The following TMEM63A variants were observed in gnomAD, a reference collection of about 807,000 sequenced individuals.
TMEM63A encodes mechanosensitive cation channel TMEM63A.
TMEM63A carries 76 observed loss-of-function variants against 100.6 expected under a neutral mutation model. That is an observed-to-expected ratio of 0.76 (90% confidence interval 0.63 to 0.91). The LOEUF (loss-of-function observed/expected upper bound fraction) is 0.91, where lower values mean the gene tolerates loss of function less well. Ranked by LOEUF, TMEM63A falls within the 40% of genes least tolerant of loss-of-function variation. The pLI, the probability that TMEM63A is intolerant of heterozygous loss-of-function variation, is 0.00. For missense variants in TMEM63A, 876 were observed against 1,008.8 expected (o/e 0.87, Z 1.78); for synonymous variants, 401 against 401.1 (o/e 1.00, Z 0.00).
intron 17 of TMEM63A, 75 bp downstream of exon 17, chr1:225,856,577 T>G: frequency 3.3e-6 from 5 of 1,496,442 alleles, no homozygotes; most frequent in Non-Finnish European, 3.7e-6. Flanking sequence ...CCAAACCGTT[T>G]GCATTCTCCT....
chr1:225,845,111 C>T (rs773194228), downstream of TMEM63A: 9 of 1,609,578 alleles, frequency 5.6e-6, no homozygotes, highest in Admixed American at 3.3e-5. Flanking sequence ...CGCAGGGCCA[C>T]AGCCTCACCC....
At position 225,865,655 on chromosome 1, in the gene TMEM63A, ACT is replaced by A; in HGVS notation, c.746+240_746+241del. 1 of 519,566 alleles carries A rather than the reference ACT, an allele frequency of 1.9e-6. No homozygotes were observed. The highest frequency in any genetic ancestry group is 3.5e-6 in the Non-Finnish European group (1 of 284,816). 32.2% of individuals were successfully genotyped at this position (519,566 alleles called of 1,614,324 possible). The stretch of plus-strand genomic sequence containing the variant: ...CTACACCCTGGTCTGTGCTCTGGAC[ACT>A]GTGCACAGGCTGCTTGAAGAGGATA... On this transcript the variant is annotated intron_variant, in intron 10 of 24. Coordinates refer to ENST00000366835, the MANE Select transcript of TMEM63A (RefSeq NM_014698.3). This position sits in a 1 kb window ranked among gnomAD's most constrained non-coding sequence, Gnocchi z 4.6.
intron 22 of TMEM63A, 50 bp downstream of exon 22, chr1:225,848,847 C>A: frequency 1.4e-6 from 2 of 1,430,692 alleles, no homozygotes; most frequent in Non-Finnish European, 9.6e-7. Flanking sequence ...CCCGTCCCAC[C>A]ATCTGTTCCT....
chr1:225,876,656 G>T (rs201068124), intron 3 of TMEM63A, among the ~76,000 whole-genome samples: 5,654 of 44,612 alleles, frequency 0.13, 181 homozygotes, highest in East Asian at 0.25. Flanking sequence ...TTGTTTTTTT[G>T]GTTTTTTTTG....
downstream of TMEM63A, chr1:225,845,190 A>G: frequency 3.1e-6 from 5 of 1,613,878 alleles, no homozygotes; most frequent in Non-Finnish European, 4.2e-6. Flanking sequence ...TTCCCTTTTG[A>G]GCTATTGCAC....
Position 225,845,951 on chromosome 1 carries a change from C to T in TMEM63A, c.*988G>A, listed in dbSNP as rs905758680. 1 of 161,664 alleles carries T rather than the reference C, an allele frequency of 6.2e-6. No individual in the cohort carries two copies. Among genetic ancestry groups the T allele is most frequent in the Admixed American group, 5.8e-5 (1 of 17,268 alleles). The allele number at this position is 161,664 out of a possible 1,614,324, so 10.0% of individuals were successfully genotyped here. On this transcript the variant is annotated 3_prime_UTR_variant, in exon 25 of 25. Transcript: ENST00000366835. ...ACACCCCCATCCCGCCCCTACTGCA[C>T]AGGCTTGTGCCTTGGTGCCCCCTGG...
rs1174084026 is a variant in TMEM63A at position 225,862,865 on chromosome 1, GAGA to G, written c.747-17_747-15del. On this transcript the variant is annotated splice_polypyrimidine_tract_variant and intron_variant, in intron 10 of 24. Coordinates refer to ENST00000366835, the MANE Select transcript of TMEM63A (RefSeq NM_014698.3). The surrounding 1 kb of genome is among the most constrained non-coding windows in gnomAD (Gnocchi z 5.1). The stretch of plus-strand genomic sequence containing the variant: ...GGATACGCGTCCCTGTGGCCAGGGA[GAGA>G]AGGAGGCAAAAGACACCGTTGGAAA... 6.2e-6 allele frequency: 10 copies of G among 1,613,116 alleles called. No homozygotes were observed. Among genetic ancestry groups the G allele is most frequent in the South Asian group, 1.1e-5 (1 of 90,940 alleles).
intron 15 of TMEM63A, 113 bp downstream of exon 15, chr1:225,859,083 C>A: frequency 1.4e-6 from 2 of 1,432,544 alleles, no homozygotes; most frequent in South Asian, 1.3e-5. Flanking sequence ...GCAACATGAC[C>A]CACTGGTTTA....
At chr1:225,878,160 ATGGGTCCATCTGCTATACT>A (rs1321950451) in intron 2 of TMEM63A, among the ~76,000 whole-genome samples, 1 of 152,168 alleles carries the variant, frequency 6.6e-6, no homozygotes, top group African/African-American at 2.4e-5. Flanking sequence ...GACCTCAGAG[ATGGGTCCATCTGCTATACT>A]TGGAAACCAA....
chr1:225,840,740 C>G (rs1448677751), downstream of TMEM63A: 2 of 154,938 alleles, frequency 1.3e-5, no homozygotes, highest in Non-Finnish European at 2.9e-5. Flanking sequence ...AGATGGGACC[C>G]CTGTAGCATC....
Position 225,848,562 on chromosome 1 carries a change from T to C in TMEM63A, c.2188-8A>G. On this transcript the variant is annotated splice_polypyrimidine_tract_variant and splice_region_variant and intron_variant, in intron 22 of 24. Coordinates refer to ENST00000366835, the MANE Select transcript of TMEM63A (RefSeq NM_014698.3). ...ACTTGCAGGCTCTTCTGTCTGCAGA[T>C]AACAGCAAAAACTTGCGATGATAAA... The C allele has an allele frequency of 6.2e-7, 1 of 1,614,010 alleles. No individual in the cohort carries two copies. The highest frequency in any genetic ancestry group is 8.5e-7 in the Non-Finnish European group (1 of 1,180,022).
chr1:225,860,202 A>G (rs574491006), intron 14 of TMEM63A: 2 of 152,782 alleles, frequency 1.3e-5, no homozygotes, highest in African/African-American at 4.8e-5. Context: ...CTTCAAGCTC[A>G]TTCTGTGCAA....
chr1:225,853,263 G>A lies in TMEM63A; in HGVS notation c.1797+366C>T, dbSNP rs1576073675. On this transcript the variant is annotated intron_variant, in intron 19 of 24. Transcript: ENST00000366835. This position sits in a 1 kb window ranked among gnomAD's most constrained non-coding sequence, Gnocchi z 4.0. ...ACACCCTCCAGTTCAGGGAATCCTG[G>A]AATAAATGCCACAAGCCGAAAATGC... Among the ~76,000 whole-genome samples the A allele has an allele frequency of 6.6e-6, 1 of 152,312 alleles. No individual in the cohort carries two copies. Among genetic ancestry groups the A allele is most frequent in the East Asian group, 1.9e-4 (1 of 5,186 alleles).
At chr1:225,863,105 G>A (rs955866863) in intron 10 of TMEM63A, 12 of 489,934 alleles carry the variant, frequency 2.4e-5, no homozygotes, top group South Asian at 1.7e-4. Flanking sequence ...CCAGGCTGCT[G>A]TACAGTGGCA....
intron 3 of TMEM63A, among the ~76,000 whole-genome samples, chr1:225,875,883 G>A (rs1670773944): frequency 6.6e-6 from 1 of 151,728 alleles, no homozygotes; most frequent in Admixed American, 6.6e-5. Flanking sequence ...AGGCAACATG[G>A]TGTGAAATCC....
chr1:225,849,757 G>A (rs963447203), intron 21 of TMEM63A, among the ~76,000 whole-genome samples, 155 bp downstream of exon 21: 3 of 152,154 alleles, frequency 2.0e-5, no homozygotes, highest in East Asian at 3.9e-4. Flanking sequence ...TGGGTACCAC[G>A]TTCTGATGGG....
downstream of TMEM63A, among the ~76,000 whole-genome samples, chr1:225,841,685 T>G (rs1274831039): frequency 1.4e-5 from 2 of 141,298 alleles, no homozygotes; most frequent in Non-Finnish European, 3.0e-5. Context: ...CACTGCAACC[T>G]CCACCTCCCG....
In TMEM63A at chr1:225,877,396, A is replaced by G; in HGVS notation, c.185T>C (p.Leu62Pro). The stretch of plus-strand genomic sequence containing the variant: ...GACACGACTCATGAGGGCTCTCACC[A>G]GGAAGCAGCTGACGTCTATGAGCAG... The part of the protein sequence containing the change: ...TVLLIDVSCF[L>P]FLILVFSIIR... Residue 62 changes from leucine to proline, a missense_variant and splice_region_variant, in exon 3 of 25, where the codon CTG becomes CCG. Transcript: ENST00000366835. 1 of 1,611,044 alleles carries G rather than the reference A, an allele frequency of 6.2e-7. No individual in the cohort carries two copies. Among genetic ancestry groups the G allele is most frequent in the South Asian group, 1.1e-5 (1 of 90,946 alleles).
At chr1:225,857,086 T>A (rs1669661739) in intron 15 of TMEM63A, 69 bp from the exon 16 acceptor site, 2 of 1,328,796 alleles carry the variant, frequency 1.5e-6, no homozygotes, top group Non-Finnish European at 2.0e-6. Context: ...GGCCATGACC[T>A]ATTGGTATGG....
Sources: allele counts gnomAD v4.1 joint callset (sites outside exome capture counted in the v4.1 genomes callset), GRCh38; gene constraint gnomAD v4.1.1; non-coding constraint Gnocchi (gnomAD v3.1); transcripts MANE v1.5; gene names NCBI Gene and HGNC (gene_info 2026-07-23, HGNC 2026-07-21).